Variants in ASXL3 observed in about 807,000 individuals in gnomAD.
The protein encoded by ASXL3 is ASXL transcriptional regulator 3.
ASXL3 carries 34 observed loss-of-function variants against 170.6 expected under a neutral mutation model. The ratio of observed to expected loss-of-function variants is 0.20; its 90% confidence interval spans 0.15 to 0.27. The LOEUF (loss-of-function observed/expected upper bound fraction) is 0.27. Ranked by LOEUF, ASXL3 falls within the 10% of genes least tolerant of loss-of-function variation. The pLI is 1.00. For missense variants in ASXL3, 2,592 were observed against 2,695.3 expected, an observed-to-expected ratio of 0.96 and a Z score of 0.85; for synonymous variants, 1,002 against 989.1, an observed-to-expected ratio of 1.01 and a Z score of -0.24.
chr18:33,615,549 A>G (rs563395573), intron 2 of ASXL3, among the ~76,000 whole-genome samples: 1 of 152,312 alleles, frequency 6.6e-6, no homozygotes, highest in African/African-American at 2.4e-5. Context: ...AATGGCACCA[A>G]TAGACTTGCT....
At chr18:33,696,646 A>G (rs1011924905) in intron 8 of ASXL3, among the ~76,000 whole-genome samples, 3 of 151,950 alleles carry the variant, frequency 2.0e-5, no homozygotes, top group Non-Finnish European at 4.4e-5. Flanking sequence ...GGGGGGCTGG[A>G]GGCAAGGGTG....
At chr18:33,718,413 C>G (rs944355061) in intron 8 of ASXL3, among the ~76,000 whole-genome samples, 1 of 152,078 alleles carries the variant, frequency 6.6e-6, no homozygotes, top group Non-Finnish European at 1.5e-5. Flanking sequence ...AACAAATTAC[C>G]ACAAATCTAT....
chr18:33,709,318 C>T (rs1406395101), intron 8 of ASXL3, among the ~76,000 whole-genome samples: 3 of 146,560 alleles, frequency 2.0e-5, no homozygotes, highest in Admixed American at 1.4e-4. Context: ...AAAAAAACAA[C>T]AAAAACATGA....
chr18:33,689,624 A>G (rs777154655), intron 8 of ASXL3, among the ~76,000 whole-genome samples: 2 of 152,202 alleles, frequency 1.3e-5, no homozygotes, highest in Non-Finnish European at 2.9e-5. Flanking sequence ...TACCTTTGGG[A>G]GAAATACAGT....
intron 9 of ASXL3, 141 bp downstream of exon 9, chr18:33,732,205 A>T: frequency 2.1e-6 from 1 of 473,612 alleles, no homozygotes; most frequent in Non-Finnish European, 3.6e-6. Context: ...TTTCCAAATG[A>T]GTTCACTGAT....
At chr18:33,631,352 ATTGT>A in intron 2 of ASXL3, among the ~76,000 whole-genome samples, 1 of 152,176 alleles carries the variant, frequency 6.6e-6, no homozygotes, top group South Asian at 2.1e-4. Flanking sequence ...ACCCTTGAGA[ATTGT>A]TTTTTTAGTT....
At chr18:33,619,097 A>G (rs1046643765) in intron 2 of ASXL3, among the ~76,000 whole-genome samples, 2 of 152,156 alleles carry the variant, frequency 1.3e-5, no homozygotes, top group South Asian at 4.1e-4. Flanking sequence ...GGTAGATACT[A>G]TGTTCCCCAT....
Position 33,746,882 on chromosome 18 carries a change from C to CTT in ASXL3, c.*290_*291dup. ...AAGTCAATGCCCCATTTTTGTTTTTCTTTTAACCGAGGTGTAGATAGGAAA... is the reference window on the plus strand; with the variant it reads ...AAGTCAATGCCCCATTTTTGTTTTTCTTTTTTAACCGAGGTGTAGATAGGAAA... On this transcript the variant is annotated 3_prime_UTR_variant, in exon 12 of 12. Transcript: ENST00000269197. The CTT allele has an allele frequency of 6.2e-6, 2 of 325,138 alleles. No homozygotes were observed. The allele number at this position is 325,138 out of a possible 1,614,324, so 20.1% of individuals were successfully genotyped here.
chr18:33,595,760 T>C (rs932763540), intron 1 of ASXL3, among the ~76,000 whole-genome samples: 3 of 152,164 alleles, frequency 2.0e-5, no homozygotes, highest in African/African-American at 7.2e-5. Context: ...CAAGATGTGT[T>C]TTCTTGAGTT....
Position 33,744,367 on chromosome 18 carries a change from A to T in ASXL3, c.4519A>T (p.Thr1507Ser). 6.2e-7 allele frequency: 1 copy of T among 1,613,970 alleles called. No individual in the cohort carries two copies. Among genetic ancestry groups the T allele is most frequent in the Non-Finnish European group, 8.5e-7 (1 of 1,179,864 alleles). ...GGACCTGCAGGGCAGACCAGTGAGG[A>T]CAGAGGCATCCGTACAGCCCGTGGC... ...SLDLQGRPVR[T>S]EASVQPVACP... Residue 1507 changes from threonine (T) to serine (S), a missense_variant, in exon 12 of 12, where the codon ACA becomes TCA. Around this residue, in one of 4 missense-constraint regions of ASXL3, gnomAD observed 2,246 missense variants for 2,219.6 expected, o/e 1.01. Transcript: ENST00000269197.
At chr18:33,741,991 T>C (rs571417762) in intron 11 of ASXL3, among the ~76,000 whole-genome samples, 2 of 152,344 alleles carry the variant, frequency 1.3e-5, no homozygotes, top group South Asian at 4.1e-4. Flanking sequence ...TCTGCGAGTC[T>C]CTTAATTACC....
chr18:33,611,947 T>C (rs904337950), intron 2 of ASXL3, among the ~76,000 whole-genome samples: 2 of 151,950 alleles, frequency 1.3e-5, no homozygotes, highest in African/African-American at 2.4e-5. Flanking sequence ...TCCAAAGAAA[T>C]GTGTGCTCTG....
chr18:33,580,854 T>A (rs1325736571), intron 1 of ASXL3, among the ~76,000 whole-genome samples: 5 of 152,178 alleles, frequency 3.3e-5, no homozygotes, highest in African/African-American at 1.2e-4. Context: ...AAGTTATTTT[T>A]CCCCTGGTAG....
At chr18:33,587,027 C>T (rs897337714) in intron 1 of ASXL3, among the ~76,000 whole-genome samples, 10 of 152,136 alleles carry the variant, frequency 6.6e-5, no homozygotes, top group Non-Finnish European at 1.5e-5. Flanking sequence ...TCTGACCTTC[C>T]AAATAGTTGT....
At chr18:33,581,621 A>C (rs1351560629) in intron 1 of ASXL3, among the ~76,000 whole-genome samples, 1 of 152,172 alleles carries the variant, frequency 6.6e-6, no homozygotes, top group African/African-American at 2.4e-5. Context: ...TATATGTGGA[A>C]GAAGAATCTT....
At chr18:33,699,184 A>G (rs1239427153) in intron 8 of ASXL3, among the ~76,000 whole-genome samples, 1 of 152,098 alleles carries the variant, frequency 6.6e-6, no homozygotes, top group Non-Finnish European at 1.5e-5. Context: ...GAAAACCGGC[A>G]AGAAAATCTT....
intron 10 of ASXL3, among the ~76,000 whole-genome samples, chr18:33,734,887 C>T (rs1283538664): frequency 1.3e-5 from 2 of 152,120 alleles, no homozygotes; most frequent in African/African-American, 2.4e-5. Flanking sequence ...TCTTCCTCTT[C>T]AAATGTCATC....
At chr18:33,582,390 G>A (rs1453296636) in intron 1 of ASXL3, among the ~76,000 whole-genome samples, 2 of 152,122 alleles carry the variant, frequency 1.3e-5, no homozygotes, top group African/African-American at 4.8e-5. Context: ...AGAACATACT[G>A]TTATTTATAT....
At chr18:33,735,523 A>C (rs1252579446) in intron 10 of ASXL3, among the ~76,000 whole-genome samples, 1 of 152,220 alleles carries the variant, frequency 6.6e-6, no homozygotes, top group Non-Finnish European at 1.5e-5. Flanking sequence ...CTTCACATGA[A>C]GTCACCAACA....
Sources: gnomAD v4.1 joint callset for allele counts (sites outside exome capture counted in the v4.1 genomes callset) on GRCh38, gnomAD v4.1.1 for gene constraint, gnomAD v4.1.1 regional missense constraint, MANE v1.5 for transcripts, NCBI Gene and HGNC (gene_info 2026-07-23, HGNC 2026-07-21) for gene names.